The following HTR1E variants were observed in gnomAD, a reference collection of about 807,000 sequenced individuals.
The protein encoded by HTR1E is 5-hydroxytryptamine receptor 1E.
HTR1E carries 3 observed loss-of-function variants against 3.4 expected under a neutral mutation model. That is an observed-to-expected ratio of 0.89 (90% CI 0.41 to 2.31). The LOEUF (loss-of-function observed/expected upper bound fraction) is 2.31, where lower values mean the gene tolerates loss of function less well. HTR1E is among the 30% of genes most tolerant of loss of function. The pLI is 0.05. For synonymous variants in HTR1E, 170 were observed against 182.8 expected, an observed-to-expected ratio of 0.93 and a Z score of 0.56; for missense variants, 392 against 467.0, an observed-to-expected ratio of 0.84 and a Z score of 1.48.
At chr6:86,969,554 G>A (rs939859470) in intron 1 of HTR1E, among the ~76,000 whole-genome samples, 6 of 152,188 alleles carry the variant, frequency 3.9e-5, no homozygotes, top group Admixed American at 2.6e-4. Context: ...TGAATCAAGT[G>A]TTCCTTTTTT....
intron 1 of HTR1E, among the ~76,000 whole-genome samples, chr6:86,943,022 A>C (rs1164424428): frequency 6.6e-6 from 1 of 152,204 alleles, no homozygotes. Context: ...GCTTTGAGAT[A>C]ATCTCTCACA....
chr6:86,948,141 TTC>T (rs1767152340), intron 1 of HTR1E, among the ~76,000 whole-genome samples: 1 of 152,216 alleles, frequency 6.6e-6, no homozygotes, highest in African/African-American at 2.4e-5. Flanking sequence ...GTGTTTGGTT[TTC>T]TGTTCCTGTG....
intron 1 of HTR1E, among the ~76,000 whole-genome samples, chr6:87,011,206 A>G (rs1196457687): frequency 6.6e-6 from 1 of 152,188 alleles, no homozygotes; most frequent in Non-Finnish European, 1.5e-5. Flanking sequence ...GGCTAAGCTG[A>G]CAGAGTTGAG....
At chr6:86,988,498 A>G (rs769180688) in intron 1 of HTR1E, among the ~76,000 whole-genome samples, 8 of 152,156 alleles carry the variant, frequency 5.3e-5, no homozygotes, top group Non-Finnish European at 1.0e-4. Flanking sequence ...AGAATGATGG[A>G]TGCAGAGGGC....
intron 1 of HTR1E, among the ~76,000 whole-genome samples, chr6:86,985,620 G>A (rs1314499174): frequency 6.6e-6 from 1 of 152,158 alleles, no homozygotes; most frequent in African/African-American, 2.4e-5. Flanking sequence ...CTAGTCAGCA[G>A]AGACAGCATC....
chr6:86,981,370 G>A (rs558175256), intron 1 of HTR1E, among the ~76,000 whole-genome samples: 1 of 152,332 alleles, frequency 6.6e-6, no homozygotes, highest in East Asian at 1.9e-4. Flanking sequence ...GTGGGTCTAA[G>A]AGTTACAGCC....
intron 1 of HTR1E, among the ~76,000 whole-genome samples, chr6:86,995,681 A>G (rs1420728506): frequency 1.2e-3 from 77 of 63,630 alleles, no homozygotes; most frequent in Non-Finnish European, 1.0e-3. Context: ...AAAAAAAAAA[A>G]AAAAAAGAAA....
chr6:86,985,166 G>A (rs956531319), intron 1 of HTR1E, among the ~76,000 whole-genome samples: 2 of 152,074 alleles, frequency 1.3e-5, no homozygotes, highest in African/African-American at 2.4e-5. Flanking sequence ...AAATGAAGAT[G>A]GTGCTCTCAA....
intron 1 of HTR1E, among the ~76,000 whole-genome samples, chr6:86,973,494 C>T (rs546492829): frequency 3.7e-4 from 57 of 152,152 alleles, no homozygotes; most frequent in African/African-American, 1.3e-3. Flanking sequence ...ACCAATCAGA[C>T]CTAAAAGAGA....
chr6:86,940,077 C>T (rs913238346), intron 1 of HTR1E, among the ~76,000 whole-genome samples: 1 of 152,078 alleles, frequency 6.6e-6, no homozygotes, highest in Admixed American at 6.5e-5. Flanking sequence ...GGTAACACTG[C>T]AATATATTTC....
At chr6:86,950,393 C>T (rs570880439) in intron 1 of HTR1E, among the ~76,000 whole-genome samples, 1 of 152,234 alleles carries the variant, frequency 6.6e-6, no homozygotes, top group Admixed American at 6.5e-5. Flanking sequence ...GAAGGAATGA[C>T]AGTGTGGTGG....
intron 1 of HTR1E, among the ~76,000 whole-genome samples, chr6:87,007,659 G>T (rs1196651888): frequency 6.6e-5 from 10 of 152,058 alleles, no homozygotes; most frequent in Non-Finnish European, 1.3e-4. Context: ...CTTCTGGCTG[G>T]GCATGGTGGC....
chr6:86,949,284 T>A (rs1056032652), intron 1 of HTR1E, among the ~76,000 whole-genome samples: 1 of 152,160 alleles, frequency 6.6e-6, no homozygotes, highest in African/African-American at 2.4e-5. Context: ...TTTTGCAGGG[T>A]TAAGTAAGTT....
chr6:86,962,193 G>A (rs560603707), intron 1 of HTR1E, among the ~76,000 whole-genome samples: 2 of 152,226 alleles, frequency 1.3e-5, no homozygotes, highest in South Asian at 4.2e-4. Context: ...TATAAAATGT[G>A]GTAGTATGAT....
At chr6:86,972,887 T>C (rs1252126179) in intron 1 of HTR1E, among the ~76,000 whole-genome samples, 1 of 152,162 alleles carries the variant, frequency 6.6e-6, no homozygotes. Context: ...ATAACTTTTA[T>C]CAGAACAAAT....
intron 1 of HTR1E, among the ~76,000 whole-genome samples, chr6:86,957,756 T>C (rs914037397): frequency 6.6e-6 from 1 of 152,208 alleles, no homozygotes; most frequent in Non-Finnish European, 1.5e-5. Flanking sequence ...TGAAAAGGTT[T>C]CAAAGATATT....
At chr6:86,954,433 C>T (rs1367281869) in intron 1 of HTR1E, among the ~76,000 whole-genome samples, 1 of 152,192 alleles carries the variant, frequency 6.6e-6, no homozygotes, top group Non-Finnish European at 1.5e-5. Flanking sequence ...GCTCAGACAG[C>T]TGAATAGTAT....
chr6:87,001,975 T>C (rs538686218), intron 1 of HTR1E, among the ~76,000 whole-genome samples: 1 of 152,316 alleles, frequency 6.6e-6, no homozygotes, highest in South Asian at 2.1e-4. Context: ...ACTATAGTTA[T>C]ATCAGACAAA....
intron 1 of HTR1E, among the ~76,000 whole-genome samples, chr6:86,999,428 T>C (rs6936751): frequency 0.14 from 20,595 of 152,118 alleles, 2,270 homozygotes; most frequent in African/African-American, 0.29. Context: ...ACAAGGCTTT[T>C]AATCCTAAAT....
Sources: allele counts gnomAD v4.1 joint callset (sites outside exome capture counted in the v4.1 genomes callset), GRCh38; gene constraint gnomAD v4.1.1; transcripts MANE v1.5; gene names NCBI Gene and HGNC (gene_info 2026-07-23, HGNC 2026-07-21).